RABGAP1L: variants seen among roughly 807,000 people sequenced by gnomAD.
RABGAP1L encodes the protein RAB GTPase activating protein 1 like.
A neutral mutation model predicts 137.7 loss-of-function variants in RABGAP1L; 63 were observed. That is an observed-to-expected ratio of 0.46 (90% CI 0.37 to 0.56). The LOEUF (loss-of-function observed/expected upper bound fraction) is 0.56. Among genes scored for constraint, RABGAP1L ranks in the 20% least tolerant of loss-of-function variants. RABGAP1L has a pLI of 0.00. For synonymous variants in RABGAP1L, 431 were observed against 433.7 expected, an observed-to-expected ratio of 0.99 and a Z score of 0.08; for missense variants, 1,095 against 1,244.0, an observed-to-expected ratio of 0.88 and a Z score of 1.80.
In RABGAP1L at chr1:174,245,163, C is replaced by G. The variant is rs539709837; in HGVS notation, c.717+3506C>G. 3 of 152,310 alleles carry G rather than the reference C, an allele frequency of 2.0e-5. No homozygotes were observed. The South Asian group carries it at 6.2e-4, about 32-fold the overall frequency. 9.4% of individuals were successfully genotyped at this position (152,310 alleles called of 1,614,324 possible). On this transcript the variant is annotated intron_variant, in intron 5 of 25. Transcript: ENST00000681986. ...TCTCGGCTTACTGCAACCTACACCTCTTGGGTTCAAGTGATTCTCCAGCCT... is the reference window on the plus strand; with the variant it reads ...TCTCGGCTTACTGCAACCTACACCTGTTGGGTTCAAGTGATTCTCCAGCCT...
At chr1:174,518,790 C>A (rs1294262100) in intron 13 of RABGAP1L, among the ~76,000 whole-genome samples, 1 of 152,148 alleles carries the variant, frequency 6.6e-6, no homozygotes, top group African/African-American at 2.4e-5. Flanking sequence ...ATGGCAGTAG[C>A]CTTCTTCACT....
chr1:174,638,579 A>T (rs531378068), intron 14 of RABGAP1L, among the ~76,000 whole-genome samples: 122 of 150,320 alleles, frequency 8.1e-4, no homozygotes, highest in African/African-American at 2.9e-3. Context: ...GTAAAGACAC[A>T]TGCACACGTA....
chr1:174,716,136 GTTATTA>G, intron 17 of RABGAP1L, among the ~76,000 whole-genome samples: 1 of 152,216 alleles, frequency 6.6e-6, no homozygotes, highest in South Asian at 2.1e-4. Context: ...TATTTTTATT[GTTATTA>G]TTTTTATTTT....
chr1:174,350,091 AC>A (rs1344346708), intron 11 of RABGAP1L, among the ~76,000 whole-genome samples: 7 of 100,540 alleles, frequency 7.0e-5, no homozygotes, highest in Admixed American at 4.3e-4. Context: ...CGGGGGGCTG[AC>A]CCCCCCACCT....
intron 13 of RABGAP1L, among the ~76,000 whole-genome samples, chr1:174,633,564 C>T (rs937248676): frequency 4.9e-4 from 71 of 145,192 alleles, no homozygotes; most frequent in Middle Eastern, 6.9e-3. Context: ...AAAAAAGAGC[C>T]TGCATCACCA....
chr1:174,302,588 G>C (rs1411313638), intron 10 of RABGAP1L, among the ~76,000 whole-genome samples: 2 of 152,214 alleles, frequency 1.3e-5, no homozygotes, highest in Non-Finnish European at 2.9e-5. Context: ...GCAAGAGATA[G>C]TTTGGAGAGA....
At chr1:174,489,576 T>C (rs532888480) in intron 13 of RABGAP1L, among the ~76,000 whole-genome samples, 7 of 151,654 alleles carry the variant, frequency 4.6e-5, no homozygotes, top group African/African-American at 1.7e-4. Flanking sequence ...TTTATATGGT[T>C]GGTGGGACTG....
intron 18 of RABGAP1L, chr1:174,799,811 C>G (rs1170276645): frequency 7.0e-6 from 7 of 996,814 alleles, no homozygotes; most frequent in East Asian, 2.1e-4. Context: ...CTGCTTGTCA[C>G]GAATCGAGGA....
At chr1:174,707,933 A>G (rs936033631) in intron 17 of RABGAP1L, among the ~76,000 whole-genome samples, 1 of 152,226 alleles carries the variant, frequency 6.6e-6, no homozygotes, top group Admixed American at 6.5e-5. Flanking sequence ...ACATTCTTTC[A>G]GAAGACATAA....
At chr1:174,487,515 T>A (rs987793918) in intron 13 of RABGAP1L, among the ~76,000 whole-genome samples, 1 of 152,212 alleles carries the variant, frequency 6.6e-6, no homozygotes, top group Non-Finnish European at 1.5e-5. Context: ...TACATATGTC[T>A]TTTTAGGTAA....
chr1:174,330,757 A>G (rs764860104), intron 11 of RABGAP1L, among the ~76,000 whole-genome samples: 10 of 152,228 alleles, frequency 6.6e-5, no homozygotes, highest in Admixed American at 2.0e-4. Context: ...TAAAATGTCT[A>G]TACTACCCAA....
At chr1:174,280,146 A>G (rs1017155424) in intron 10 of RABGAP1L, among the ~76,000 whole-genome samples, 1 of 151,774 alleles carries the variant, frequency 6.6e-6, no homozygotes, top group Admixed American at 6.6e-5. Context: ...ACCTGAGACT[A>G]TAACTCCTTA....
At chr1:174,558,176 C>T (rs1374665308) in intron 13 of RABGAP1L, among the ~76,000 whole-genome samples, 1 of 152,178 alleles carries the variant, frequency 6.6e-6, no homozygotes, top group Non-Finnish European at 1.5e-5. Flanking sequence ...CTTTGAGGCA[C>T]GGATATATCT....
chr1:174,599,423 T>G (rs945579549), intron 13 of RABGAP1L, among the ~76,000 whole-genome samples: 1 of 152,244 alleles, frequency 6.6e-6, no homozygotes, highest in Non-Finnish European at 1.5e-5. Flanking sequence ...GTACTTCCTA[T>G]TAGCAGTGAG....
At position 174,811,840 on chromosome 1, in the gene RABGAP1L, G is replaced by C; in HGVS notation, c.2220G>C (p.Lys740Asn). The change falls in exon 19 of 26, where the codon AAG becomes AAC. Residue 740 changes from lysine to asparagine, a missense_variant. Lys to Asn is a moderately conservative substitution (Grantham distance 94). Transcript: ENST00000681986. ...TGATGATTATTTTGCAGACCTCAAA[G>C]GAAGACCTTCTGCAGGCTGATTTTG... ...HVALALLKTS[K>N]EDLLQADFEG... 6 of 1,589,736 alleles carry C rather than the reference G, an allele frequency of 3.8e-6. No individual in the cohort carries two copies. Among genetic ancestry groups the C allele is most frequent in the Non-Finnish European group, 5.1e-6 (6 of 1,169,128 alleles).
chr1:174,612,493 C>T (rs918572728), intron 13 of RABGAP1L, among the ~76,000 whole-genome samples: 4 of 152,236 alleles, frequency 2.6e-5, no homozygotes, highest in Admixed American at 1.3e-4. Context: ...TCAATGTTCA[C>T]CAAGGATATT....
chr1:174,292,302 A>AGGTGT (rs1308617436), intron 10 of RABGAP1L, among the ~76,000 whole-genome samples: 1 of 140,392 alleles, frequency 7.1e-6, no homozygotes, highest in Non-Finnish European at 1.5e-5. Flanking sequence ...CTAGGATTAC[A>AGGTGT]GGTGTGGGCC....
chr1:174,324,747 A>G (rs1051116597), intron 11 of RABGAP1L, among the ~76,000 whole-genome samples: 1 of 152,186 alleles, frequency 6.6e-6, no homozygotes, highest in Non-Finnish European at 1.5e-5. Context: ...TGACAATATG[A>G]GAGCCAAGAC....
At chr1:174,817,332 A>G (rs1378230737) in intron 19 of RABGAP1L, among the ~76,000 whole-genome samples, 1 of 152,224 alleles carries the variant, frequency 6.6e-6, no homozygotes, top group Non-Finnish European at 1.5e-5. Flanking sequence ...AACTATGCCA[A>G]GAGGACTTTT....
Sources: allele counts gnomAD v4.1 joint callset (sites outside exome capture counted in the v4.1 genomes callset), GRCh38; gene constraint gnomAD v4.1.1; transcripts MANE v1.5; gene names NCBI Gene and HGNC (gene_info 2026-07-23, HGNC 2026-07-21).